The following ANKRD11 variants were observed in gnomAD, a reference collection of about 807,000 sequenced individuals.
ANKRD11 encodes ankyrin repeat domain 11.
ANKRD11 carries 17 observed loss-of-function variants against 195.7 expected under a neutral mutation model. The ratio of observed to expected loss-of-function variants is 0.09; its 90% confidence interval spans 0.06 to 0.13. ANKRD11 has a LOEUF of 0.13. Among genes scored for constraint, ANKRD11 ranks in the 10% least tolerant of loss-of-function variants. The pLI is 1.00. For synonymous variants in ANKRD11, 1,953 were observed against 1,528.1 expected, an observed-to-expected ratio of 1.28 and a Z score of -6.49; for missense variants, 3,735 against 3,566.1, an observed-to-expected ratio of 1.05 and a Z score of -1.21.
rs534836527 is a variant in ANKRD11, at chr16:89,286,905, A to C, written c.745-719T>G. ...CAGTCTGAGATTAGCGCATTCAAAG[A>C]ATCTGTCATAACGTTTACTATAGAC... On this transcript the variant is annotated intron_variant, in intron 7 of 12. Coordinates refer to ENST00000301030, the MANE Select transcript of ANKRD11 (RefSeq NM_013275.6). 55 of 1,289,452 alleles carry C rather than the reference A, an allele frequency of 4.3e-5. No individual in the cohort carries two copies. The African/African-American group carries it at 8.3e-4, about 20-fold the overall frequency. 79.9% of individuals were successfully genotyped at this position (1,289,452 alleles called of 1,614,324 possible).
At chr16:89,359,704 A>G (rs984957155) in intron 2 of ANKRD11, among the ~76,000 whole-genome samples, 6 of 152,216 alleles carry the variant, frequency 3.9e-5, no homozygotes, top group African/African-American at 1.4e-4. Flanking sequence ...GGGTAACTGT[A>G]CAAGAGGCAT....
chr16:89,296,264 C>CTT (rs1245610535), intron 4 of ANKRD11, among the ~76,000 whole-genome samples: 3 of 152,046 alleles, frequency 2.0e-5, no homozygotes, highest in African/African-American at 7.2e-5. Context: ...GAATTTGAGG[C>CTT]TTGTGTTTTT....
intron 2 of ANKRD11, among the ~76,000 whole-genome samples, chr16:89,328,740 G>C (rs567005217): frequency 3.7e-4 from 53 of 142,422 alleles, no homozygotes; most frequent in Non-Finnish European, 6.7e-4. Context: ...ACATACCCAG[G>C]AGCACGGGCG....
At chr16:89,328,586 C>T (rs12597493) in intron 2 of ANKRD11, among the ~76,000 whole-genome samples, 1 of 144,520 alleles carries the variant, frequency 6.9e-6, no homozygotes, top group Non-Finnish European at 1.5e-5. Context: ...CACACCCAGG[C>T]GTACGGGTGA....
chr16:89,487,777 A>AAAAAT (rs1258450943), intron 1 of ANKRD11, among the ~76,000 whole-genome samples: 2 of 152,346 alleles, frequency 1.3e-5, no homozygotes, highest in South Asian at 4.2e-4. Context: ...CCAAAAAAAT[A>AAAAAT]AAAATAAAAT....
intron 2 of ANKRD11, among the ~76,000 whole-genome samples, chr16:89,367,170 G>A (rs572097959): frequency 1.3e-5 from 2 of 152,234 alleles, no homozygotes; most frequent in South Asian, 4.1e-4. Flanking sequence ...GGCACCTCAG[G>A]GGGACAGTCC....
At chr16:89,335,060 C>T (rs968856864) in intron 2 of ANKRD11, among the ~76,000 whole-genome samples, 7 of 152,104 alleles carry the variant, frequency 4.6e-5, no homozygotes, top group Non-Finnish European at 8.8e-5. Context: ...GATGTTATAC[C>T]GCAAAGAACA....
At chr16:89,434,727 G>A (rs2043141517) in intron 1 of ANKRD11, among the ~76,000 whole-genome samples, 1 of 152,344 alleles carries the variant, frequency 6.6e-6, no homozygotes, top group African/African-American at 2.4e-5. Flanking sequence ...AAGGTCTCAG[G>A]ACTCTAGCCA....
intron 9 of ANKRD11, chr16:89,278,226 G>C: frequency 8.7e-6 from 3 of 342,922 alleles, no homozygotes; most frequent in Non-Finnish European, 1.7e-5. Flanking sequence ...GCCGTGCACA[G>C]CTCAGGCCGT....
chr16:89,340,092 AAAC>A (rs2038584058), intron 2 of ANKRD11: 1 of 152,236 alleles, frequency 6.6e-6, no homozygotes, highest in Non-Finnish European at 1.5e-5. Context: ...TTGCGAATAC[AAAC>A]AACACTAAAA....
chr16:89,486,493 A>T (rs1198778648), intron 1 of ANKRD11, among the ~76,000 whole-genome samples: 2 of 151,974 alleles, frequency 1.3e-5, no homozygotes, highest in Non-Finnish European at 2.9e-5. Flanking sequence ...TATTACACTA[A>T]GACGCAAAGG....
intron 4 of ANKRD11, chr16:89,300,084 GTGCCCTGTGTGGGGTGCC>G (rs2035749551): frequency 1.4e-5 from 3 of 215,880 alleles, no homozygotes; most frequent in Admixed American, 1.3e-4. Flanking sequence ...CGTGGGGTCT[GTGCCCTGTGTGGGGTGCC>G]TGCCCTGTGT....
intron 1 of ANKRD11, among the ~76,000 whole-genome samples, chr16:89,447,319 T>C (rs1288218125): frequency 6.6e-6 from 1 of 152,102 alleles, no homozygotes; most frequent in African/African-American, 2.4e-5. Context: ...CAGCGACTTA[T>C]CACAAACACC....
At chr16:89,484,804 T>C (rs1004161640) in intron 1 of ANKRD11, among the ~76,000 whole-genome samples, 1 of 152,220 alleles carries the variant, frequency 6.6e-6, no homozygotes, top group Non-Finnish European at 1.5e-5. Context: ...AAAAATGGTT[T>C]GTTGAGAAAA....
Position 89,490,276 on chromosome 16 carries a change from G to A in ANKRD11, c.-176C>T, listed in dbSNP as rs1004756347. 4 of 152,256 alleles carry A rather than the reference G, an allele frequency of 2.6e-5. No homozygotes were observed. Among genetic ancestry groups the A allele is most frequent in the Admixed American group, 2.0e-4 (3 of 15,206 alleles). 9.4% of individuals were successfully genotyped at this position (152,256 alleles called of 1,614,324 possible). A position where few individuals can be genotyped will look rare whatever the true frequency, so the allele number is the denominator to read the frequency against. On this transcript the variant is annotated 5_prime_UTR_variant, in exon 1 of 13. Transcript: ENST00000301030. ...CCGAGGGCTGCGCGGCTCCGCGACG[G>A]CTCAGCGGCGGGGCGCGGGCGCTGC... is the stretch of plus-strand genomic sequence containing the variant.
At chr16:89,413,960 C>G (rs2042197874) in intron 2 of ANKRD11, among the ~76,000 whole-genome samples, 1 of 152,154 alleles carries the variant, frequency 6.6e-6, no homozygotes. Flanking sequence ...GACCCCAGCA[C>G]AGCAACAGCA....
chr16:89,388,806 G>A (rs1401005283), intron 2 of ANKRD11, among the ~76,000 whole-genome samples: 1 of 152,182 alleles, frequency 6.6e-6, no homozygotes, highest in Non-Finnish European at 1.5e-5. Flanking sequence ...GAAGGTTCTG[G>A]AAGGCACTGC....
intron 4 of ANKRD11, among the ~76,000 whole-genome samples, chr16:89,297,336 A>G (rs1053176554): frequency 2.0e-5 from 3 of 152,178 alleles, no homozygotes; most frequent in Admixed American, 2.0e-4. Flanking sequence ...TTCCATGGCG[A>G]TATTTTCAAA....
At chr16:89,458,363 T>C (rs1320982493) in intron 1 of ANKRD11, among the ~76,000 whole-genome samples, 1 of 152,090 alleles carries the variant, frequency 6.6e-6, no homozygotes, top group African/African-American at 2.4e-5. Flanking sequence ...TAGCTGGGAC[T>C]ACAGGCGCCC....
Sources: gnomAD v4.1 joint callset for allele counts (sites outside exome capture counted in the v4.1 genomes callset) on GRCh38, gnomAD v4.1.1 for gene constraint, MANE v1.5 for transcripts, NCBI Gene and HGNC (gene_info 2026-07-23, HGNC 2026-07-21) for gene names.